Variants in NKAIN2 observed in about 807,000 individuals in gnomAD.
NKAIN2 encodes sodium/potassium transporting ATPase interacting 2.
In NKAIN2, 14 loss-of-function variants were observed where a neutral mutation model predicts 32.6. The observed-to-expected ratio is 0.43, with a 90% confidence interval of 0.28 to 0.67. The LOEUF is 0.67. Among genes scored for constraint, NKAIN2 ranks in the 30% least tolerant of loss-of-function variants. The probability of loss-of-function intolerance (pLI) is 0.17; values close to 1 mark genes in which losing one functional copy is unlikely to be tolerated. For missense variants in NKAIN2, 198 were observed against 258.3 expected (o/e 0.77, Z 1.60); for synonymous variants, 80 against 87.2 (o/e 0.92, Z 0.46).
chr6:123,880,301 A>G (rs557236941), intron 1 of NKAIN2, among the ~76,000 whole-genome samples: 1 of 152,226 alleles, frequency 6.6e-6, no homozygotes, highest in African/African-American at 2.4e-5. Flanking sequence ...GTCAAGGTCT[A>G]GTGAGCCCTG....
intron 3 of NKAIN2, among the ~76,000 whole-genome samples, chr6:124,392,071 A>T (rs1330136736): frequency 6.6e-6 from 1 of 152,218 alleles, no homozygotes; most frequent in African/African-American, 2.4e-5. Context: ...TATCTATTAT[A>T]TAAATGATAT....
At chr6:124,726,900 C>A (rs1180011241) in intron 4 of NKAIN2, among the ~76,000 whole-genome samples, 2 of 120,694 alleles carry the variant, frequency 1.7e-5, no homozygotes, top group Non-Finnish European at 3.4e-5. Context: ...TCGAGAACTA[C>A]GTGAAGAATG....
intron 1 of NKAIN2, among the ~76,000 whole-genome samples, chr6:124,201,636 G>A (rs1017219347): frequency 6.6e-6 from 1 of 151,866 alleles, no homozygotes; most frequent in African/African-American, 2.4e-5. Flanking sequence ...AATTACTCTC[G>A]TAATTAAAAC....
At chr6:124,554,420 A>C (rs1562253302) in intron 3 of NKAIN2, among the ~76,000 whole-genome samples, 1 of 152,222 alleles carries the variant, frequency 6.6e-6, no homozygotes, top group Non-Finnish European at 1.5e-5. Context: ...GAGCCTAAAC[A>C]TATCTAACCT....
At chr6:124,702,477 G>A (rs533541085) in intron 4 of NKAIN2, among the ~76,000 whole-genome samples, 6 of 152,078 alleles carry the variant, frequency 3.9e-5, no homozygotes, top group Middle Eastern at 6.8e-3. Flanking sequence ...TTGCCAACAC[G>A]GTTTTCATTT....
chr6:124,241,360 A>G (rs1346656745), intron 1 of NKAIN2, among the ~76,000 whole-genome samples: 1 of 152,190 alleles, frequency 6.6e-6, no homozygotes, highest in East Asian at 1.9e-4. Context: ...TCAAGCTACC[A>G]TTGACTTTCT....
At chr6:124,305,986 C>G (rs1320891380) in intron 2 of NKAIN2, among the ~76,000 whole-genome samples, 1 of 152,004 alleles carries the variant, frequency 6.6e-6, no homozygotes, top group Admixed American at 6.6e-5. Context: ...ATTGTCCTTA[C>G]TCTTCAAGTT....
intron 3 of NKAIN2, among the ~76,000 whole-genome samples, chr6:124,512,119 T>C (rs1778737167): frequency 6.6e-6 from 1 of 152,174 alleles, no homozygotes; most frequent in Admixed American, 6.5e-5. Flanking sequence ...CTAACACAGT[T>C]ACATAAAAGC....
At chr6:124,108,333 A>G (rs73565461) in intron 1 of NKAIN2, among the ~76,000 whole-genome samples, 2,669 of 152,148 alleles carry the variant, frequency 0.018, 78 homozygotes, top group African/African-American at 0.061. Flanking sequence ...AGAAACATCT[A>G]TTGAAATCCT....
At chr6:124,511,437 C>T (rs929089744) in intron 3 of NKAIN2, among the ~76,000 whole-genome samples, 7 of 152,050 alleles carry the variant, frequency 4.6e-5, no homozygotes, top group African/African-American at 1.2e-4. Flanking sequence ...CATGGACTGC[C>T]CACACATGAG....
chr6:124,399,143 T>C (rs1169106653), intron 3 of NKAIN2, among the ~76,000 whole-genome samples: 1 of 152,184 alleles, frequency 6.6e-6, no homozygotes, highest in Non-Finnish European at 1.5e-5. Flanking sequence ...GCCAGGCTGG[T>C]CTTGAACTCC....
chr6:124,108,589 G>GTGT (rs1483730449), intron 1 of NKAIN2, among the ~76,000 whole-genome samples: 1 of 151,774 alleles, frequency 6.6e-6, no homozygotes, highest in Non-Finnish European at 1.5e-5. Context: ...TGTGTTTTTG[G>GTGT]TGTCATATCC....
At chr6:124,053,835 G>C (rs867825325) in intron 1 of NKAIN2, among the ~76,000 whole-genome samples, 1 of 151,964 alleles carries the variant, frequency 6.6e-6, no homozygotes, top group Non-Finnish European at 1.5e-5. Flanking sequence ...CAGTTACAAG[G>C]TTCTAGGACT....
chr6:124,324,008 G>C (rs1351182828), intron 2 of NKAIN2, among the ~76,000 whole-genome samples: 8 of 151,812 alleles, frequency 5.3e-5, no homozygotes, highest in African/African-American at 1.9e-4. Context: ...AGCCAGGATG[G>C]TCTCGATCTC....
At chr6:123,982,078 T>C (rs531392595) in intron 1 of NKAIN2, among the ~76,000 whole-genome samples, 2 of 152,280 alleles carry the variant, frequency 1.3e-5, no homozygotes, top group South Asian at 4.1e-4. Flanking sequence ...AACCTAACTT[T>C]TTTTTCATAG....
intron 4 of NKAIN2, among the ~76,000 whole-genome samples, chr6:124,763,495 T>G (rs1778366699): frequency 6.6e-6 from 1 of 152,106 alleles, no homozygotes; most frequent in Non-Finnish European, 1.5e-5. Context: ...TCACAAGAAC[T>G]CAGTCACTAT....
At chr6:124,647,374 C>T (rs1433441760) in intron 3 of NKAIN2, among the ~76,000 whole-genome samples, 1 of 151,416 alleles carries the variant, frequency 6.6e-6, no homozygotes, top group African/African-American at 2.4e-5. Flanking sequence ...TAATGAAACC[C>T]TGTCTCTACT....
chr6:124,293,649 C>G (rs1313751761), intron 2 of NKAIN2, among the ~76,000 whole-genome samples: 2 of 152,080 alleles, frequency 1.3e-5, no homozygotes, highest in Non-Finnish European at 2.9e-5. Flanking sequence ...TAAATTTCAT[C>G]AGAGCATATA....
rs562639467 is a variant in NKAIN2 at position 123,947,381 on chromosome 6, A to G, written c.54+143127A>G. Among the ~76,000 whole-genome samples the G allele has an allele frequency of 1.0e-3, 154 of 152,294 alleles. 1 individual carries two copies. Among genetic ancestry groups the G allele is most frequent in the African/African-American group, 3.5e-3 (144 of 41,572 alleles). ...TAAGGAGAGAGAAAATGCCATTTCA[A>G]ATATTATATTTGTGTAAAATTAACT... On this transcript the variant is annotated intron_variant, in intron 1 of 6. Coordinates refer to ENST00000368417, the MANE Select transcript of NKAIN2 (RefSeq NM_001040214.3).
Sources: allele counts gnomAD v4.1 joint callset (sites outside exome capture counted in the v4.1 genomes callset), GRCh38; gene constraint gnomAD v4.1.1; transcripts MANE v1.5; gene names NCBI Gene and HGNC (gene_info 2026-07-23, HGNC 2026-07-21).